OSBPL10: variants seen among roughly 807,000 people sequenced by gnomAD.
OSBPL10 encodes the protein oxysterol binding protein like 10, also known as oxysterol-binding protein-related protein 10.
A neutral mutation model predicts 81.7 loss-of-function variants in OSBPL10; 49 were observed. The ratio of observed to expected loss-of-function variants is 0.60; its 90% CI spans 0.48 to 0.76. The LOEUF is 0.76. Among genes scored for constraint, OSBPL10 ranks in the 30% least tolerant of loss-of-function variants. The pLI is 0.00. For missense variants in OSBPL10, 923 were observed against 987.8 expected, an observed-to-expected ratio of 0.93 and a Z score of 0.88; for synonymous variants, 419 against 383.6, an observed-to-expected ratio of 1.09 and a Z score of -1.08.
intron 1 of OSBPL10, among the ~76,000 whole-genome samples, chr3:31,932,377 T>C (rs1398891817): frequency 6.6e-6 from 1 of 152,206 alleles, no homozygotes; most frequent in Non-Finnish European, 1.5e-5. Context: ...TTTCGCTTCC[T>C]GCCTTTCAAA....
intron 4 of OSBPL10, among the ~76,000 whole-genome samples, chr3:31,806,815 G>A (rs1699532948): frequency 6.6e-6 from 1 of 152,078 alleles, no homozygotes; most frequent in African/African-American, 2.4e-5. Context: ...CCATGTGGGT[G>A]GATATGCAGG....
chr3:31,859,425 C>T (rs1701008604), intron 3 of OSBPL10, among the ~76,000 whole-genome samples: 1 of 152,216 alleles, frequency 6.6e-6, no homozygotes, highest in East Asian at 1.9e-4. Context: ...TTTGCAACAT[C>T]CTTTATAATA....
chr3:32,057,823 A>G (rs1254018154), intron 1 of OSBPL10, among the ~76,000 whole-genome samples: 1 of 152,204 alleles, frequency 6.6e-6, no homozygotes, highest in Non-Finnish European at 1.5e-5. Context: ...GTCAAGAGTA[A>G]CATAGAGGCC....
intron 1 of OSBPL10, among the ~76,000 whole-genome samples, chr3:31,892,500 G>A (rs1035727403): frequency 5.3e-5 from 8 of 152,142 alleles, no homozygotes; most frequent in African/African-American, 1.2e-4. Flanking sequence ...TCAACGTGAC[G>A]ACTGGGGAGA....
intron 1 of OSBPL10, among the ~76,000 whole-genome samples, chr3:31,893,336 T>C (rs1048712064): frequency 6.6e-6 from 1 of 152,194 alleles, no homozygotes; most frequent in Non-Finnish European, 1.5e-5. Flanking sequence ...GATTAGTCTT[T>C]AGAAAAATGC....
intron 4 of OSBPL10, among the ~76,000 whole-genome samples, chr3:31,767,895 T>C (rs1035892591): frequency 6.6e-6 from 1 of 152,106 alleles, no homozygotes; most frequent in Non-Finnish European, 1.5e-5. Flanking sequence ...GTTGGCTTCA[T>C]GTAGAAAGGA....
chr3:31,886,514 G>A (rs114843480), intron 1 of OSBPL10, among the ~76,000 whole-genome samples: 2,347 of 152,294 alleles, frequency 0.015, 19 homozygotes, highest in Middle Eastern at 0.034. Flanking sequence ...GATCTGCCTC[G>A]CCTTCCTCAG....
At chr3:31,796,926 C>T (rs866282034) in intron 4 of OSBPL10, among the ~76,000 whole-genome samples, 20 of 152,058 alleles carry the variant, frequency 1.3e-4, no homozygotes, top group Admixed American at 2.6e-4. Context: ...CTCCCATTCT[C>T]ATACAGGTTC....
At chr3:32,034,673 T>C (rs1441799525) in intron 2 of OSBPL10, among the ~76,000 whole-genome samples, 1 of 152,162 alleles carries the variant, frequency 6.6e-6, no homozygotes, top group East Asian at 1.9e-4. Context: ...TACTAATTTG[T>C]CTCCAATTCA....
At chr3:31,881,687 A>C (rs1264521070) in intron 1 of OSBPL10, among the ~76,000 whole-genome samples, 1 of 152,182 alleles carries the variant, frequency 6.6e-6, no homozygotes, top group Non-Finnish European at 1.5e-5. Context: ...CTTTCAATTG[A>C]TATTATTTTT....
At position 32,028,405 on chromosome 3, in the gene OSBPL10, C is replaced by T. The variant is rs896166446; in HGVS notation, n.298+18086G>A. Among the ~76,000 whole-genome samples the T allele has an allele frequency of 3.9e-5, 6 of 152,150 alleles. No individual in the cohort carries two copies. The South Asian group carries it at 8.3e-4, about 21-fold the overall frequency. On this transcript the variant is annotated intron_variant and non_coding_transcript_variant, in intron 2 of 3. Coordinates refer to the OSBPL10 transcript ENST00000479173. ...TCAGTAAACAGTACTACCACCCAAC[C>T]CAATTGCTTAAACCAAAGACCAGAA...
chr3:31,751,021 T>G (rs1697699576), intron 4 of OSBPL10, among the ~76,000 whole-genome samples: 1 of 151,952 alleles, frequency 6.6e-6, no homozygotes, highest in Admixed American at 6.6e-5. Context: ...AAAAAAGCAT[T>G]CAGGCCAGGC....
chr3:31,681,536 G>A (rs1260183156), intron 8 of OSBPL10, among the ~76,000 whole-genome samples: 1 of 152,092 alleles, frequency 6.6e-6, no homozygotes, highest in African/African-American at 2.4e-5. Flanking sequence ...TCAAGGTGAC[G>A]AATGACCTCC....
chr3:31,792,773 G>C (rs1575547570), intron 4 of OSBPL10, among the ~76,000 whole-genome samples: 1 of 125,750 alleles, frequency 8.0e-6, no homozygotes, highest in East Asian at 2.1e-4. Context: ...GTGTGTGTGT[G>C]TGTAAAAATT....
chr3:31,859,204 G>T (rs1049875280), intron 3 of OSBPL10, among the ~76,000 whole-genome samples: 1 of 151,070 alleles, frequency 6.6e-6, no homozygotes, highest in African/African-American at 2.5e-5. Context: ...TCCCTACATT[G>T]TCTATCACAC....
chr3:31,891,636 A>G (rs1035046855), intron 1 of OSBPL10, among the ~76,000 whole-genome samples: 3 of 152,208 alleles, frequency 2.0e-5, no homozygotes, highest in African/African-American at 4.8e-5. Context: ...GCAGTTTACT[A>G]CAATGCCAAC....
At chr3:31,961,554 C>T (rs1698160514) in intron 1 of OSBPL10, among the ~76,000 whole-genome samples, 1 of 151,982 alleles carries the variant, frequency 6.6e-6, no homozygotes, top group African/African-American at 2.4e-5. Context: ...GCTAATAATG[C>T]TGGGAGGGGG....
At chr3:31,809,867 C>CCCT (rs1553628369) in intron 4 of OSBPL10, among the ~76,000 whole-genome samples, 2 of 83,460 alleles carry the variant, frequency 2.4e-5, no homozygotes, top group East Asian at 5.2e-4. Flanking sequence ...TGCCCCCTGA[C>CCCT]TCTTTTTTTT....
chr3:31,939,699 C>G (rs1196501475), intron 1 of OSBPL10, among the ~76,000 whole-genome samples: 1 of 152,154 alleles, frequency 6.6e-6, no homozygotes, highest in Non-Finnish European at 1.5e-5. Context: ...GGAACATCTT[C>G]CCTGAGCCCT....
Sources: allele counts gnomAD v4.1 joint callset (sites outside exome capture counted in the v4.1 genomes callset), GRCh38; gene constraint gnomAD v4.1.1; transcripts MANE v1.5; gene names NCBI Gene and HGNC (gene_info 2026-07-23, HGNC 2026-07-21).